Variants in CHD4 observed in about 807,000 individuals in gnomAD.
CHD4 encodes ATP-dependent chromatin remodeler CHD4.
A neutral mutation model predicts 235.5 loss-of-function variants in CHD4; 35 were observed. The ratio of observed to expected loss-of-function variants is 0.15; its 90% CI spans 0.11 to 0.20. The LOEUF is 0.20. Among genes scored for constraint, CHD4 ranks in the 10% least tolerant of loss-of-function variants. CHD4 has a pLI of 1.00. For missense variants in CHD4, 1,329 were observed against 2,432.3 expected, an observed-to-expected ratio of 0.55 and a Z score of 9.54; for synonymous variants, 900 against 850.2, an observed-to-expected ratio of 1.06 and a Z score of -1.02.
At chr12:6,603,124 T>TCAG (rs906256677) in intron 2 of CHD4, 5 of 152,648 alleles carry the variant, frequency 3.3e-5, no homozygotes, top group African/African-American at 1.2e-4. Context: ...TTCTCCTGGG[T>TCAG]CAGCAGCCTC....
rs1273373215 is a variant in CHD4 at position 6,601,951 on chromosome 12, T to C, written c.438+9A>G. ...AACAGTACAAAGAAGAGGATGGAGGTCCAGGCACCTTTGAATCATCATCAT... is the reference window on the plus strand; with the variant it reads ...AACAGTACAAAGAAGAGGATGGAGGCCCAGGCACCTTTGAATCATCATCAT... On this transcript the variant is annotated intron_variant, in intron 4 of 39. Transcript: ENST00000544040. 1 of 1,606,542 alleles carries C rather than the reference T, an allele frequency of 6.2e-7. No homozygotes were observed. The highest frequency in any genetic ancestry group is 8.5e-7 in the Non-Finnish European group (1 of 1,179,716).
At chr12:6,599,447 A>G (rs1221252630) in intron 10 of CHD4, among the ~76,000 whole-genome samples, 1 of 152,136 alleles carries the variant, frequency 6.6e-6, no homozygotes, top group African/African-American at 2.4e-5. Context: ...CTCCAAAAAA[A>G]AAAATTTTTT....
In CHD4 at chr12:6,596,289, C is replaced by T. The variant is rs569096822; in HGVS notation, c.1893-152G>A. Reference sequence around the variant, plus strand: ...GAGCCTCTACTGTACCAGTCTCTGACCAAAAATTATCTCTAATTTATACTT... The same window carrying T: ...GAGCCTCTACTGTACCAGTCTCTGATCAAAAATTATCTCTAATTTATACTT... On this transcript the variant is annotated intron_variant, in intron 12 of 39. Coordinates refer to ENST00000544040, the MANE Select transcript of CHD4 (RefSeq NM_001273.5). 1.4e-5 allele frequency: 12 copies of T among 843,586 alleles called. No homozygotes were observed. The African/African-American group carries it at 2.1e-4, about 14-fold the overall frequency. 52.3% of individuals were successfully genotyped at this position (843,586 alleles called of 1,614,324 possible).
intron 12 of CHD4, among the ~76,000 whole-genome samples, 179 bp from the exon 13 acceptor site, chr12:6,596,316 C>T (rs1264504943): frequency 2.6e-5 from 4 of 152,154 alleles, no homozygotes. Flanking sequence ...TTTATACTTT[C>T]CTAGAGCTCA....
At chr12:6,570,809 GT>G in intron 39 of CHD4, 59 bp downstream of exon 39, 1 of 1,612,142 alleles carries the variant, frequency 6.2e-7, no homozygotes. Flanking sequence ...ATACAGCAAA[GT>G]TACAAGCTCC....
intron 37 of CHD4, 26 bp from the exon 38 acceptor site, chr12:6,573,295 G>A (rs561461442): frequency 2.7e-6 from 4 of 1,505,916 alleles, no homozygotes; most frequent in Non-Finnish European, 3.5e-6. Context: ...GAGGAAACGG[G>A]AGTTCGACTG....
intron 25 of CHD4, among the ~76,000 whole-genome samples, chr12:6,585,163 T>C (rs1948260196): frequency 6.6e-6 from 1 of 152,178 alleles, no homozygotes; most frequent in Non-Finnish European, 1.5e-5. Context: ...TTCCATTTCA[T>C]ACCCCTCTAT....
At position 6,577,880 on chromosome 12, in the gene CHD4, G is replaced by A. The variant is rs758499850; in HGVS notation, c.5266C>T (p.Pro1756Ser). Residue 1756 changes from proline to serine, a missense_variant, in exon 37 of 40, where the codon CCA becomes TCA. By Grantham distance (74) the Pro-to-Ser change is moderately conservative. This residue lies in a region of CHD4 where 135 missense variants were observed against 282.3 expected (regional missense o/e 0.48). Coordinates refer to ENST00000544040, the MANE Select transcript of CHD4 (RefSeq NM_001273.5). ...YARWQDIQND[P>S]RYAILNEPFK... is the part of the protein sequence containing the mutation. Reference sequence around the variant, plus strand: ...GGCTCATTGAGGATGGCATAGCGTGGGTCATTCTGGATGTCTTGCCACCGG... The same window carrying A: ...GGCTCATTGAGGATGGCATAGCGTGAGTCATTCTGGATGTCTTGCCACCGG... 5.6e-6 allele frequency: 9 copies of A among 1,614,036 alleles called. No individual in the cohort carries two copies. Among genetic ancestry groups the A allele is most frequent in the Admixed American group, 1.7e-5 (1 of 59,996 alleles).
At position 6,599,437 on chromosome 12, in the gene CHD4, C is replaced by G. The variant is rs963689249; in HGVS notation, c.1482+336G>C. On this transcript the variant is annotated intron_variant, in intron 10 of 39. Coordinates refer to ENST00000544040, the MANE Select transcript of CHD4 (RefSeq NM_001273.5). Reference sequence around the variant, plus strand: ...CCCGGATGACAGAATGAGACCCTGTCTCCAAAAAAAAAAATTTTTTTAACA... The same window carrying G: ...CCCGGATGACAGAATGAGACCCTGTGTCCAAAAAAAAAAATTTTTTTAACA... Among the ~76,000 whole-genome samples, 3 of 151,512 alleles carry G rather than the reference C, an allele frequency of 2.0e-5. No individual in the cohort carries two copies. The South Asian group carries it at 6.3e-4, about 32-fold the overall frequency.
intron 25 of CHD4, chr12:6,583,651 C>G (rs77953906): frequency 2.4e-6 from 1 of 412,400 alleles, no homozygotes; most frequent in East Asian, 3.8e-5. Context: ...ATGCTTTCTT[C>G]TAACCCCTTG....
intron 38 of CHD4, among the ~76,000 whole-genome samples, chr12:6,572,192 G>A (rs976480545): frequency 6.6e-6 from 1 of 151,812 alleles, no homozygotes; most frequent in African/African-American, 2.4e-5. Flanking sequence ...ACTTTGGGAG[G>A]CGGAGGCGGG....
In CHD4 at chr12:6,581,368, C is replaced by T. The variant is rs1164775045; in HGVS notation, c.4702G>A (p.Glu1568Lys). The change falls in exon 32 of 40, where the codon GAA becomes AAA. Residue 1568 changes from glutamate (E) to lysine (K), a missense_variant. Around this residue, in one of 26 missense-constraint regions of CHD4, gnomAD observed 219 missense variants for 219.3 expected, o/e 1.00. Transcript: ENST00000544040. ...CTCTCTTCTTCTTTGAGGCTATTTTCCTCTATTTTTATCCCATCTTCTGCA... is the reference window on the plus strand; with the variant it reads ...CTCTCTTCTTCTTTGAGGCTATTTTTCTCTATTTTTATCCCATCTTCTGCA... Reference protein sequence around the residue: ...PPAEDGIKIEENSLKEEESIE... With the variant: ...PPAEDGIKIEKNSLKEEESIE... 13 of 1,614,046 alleles carry T rather than the reference C, an allele frequency of 8.1e-6. No individual in the cohort carries two copies. Among genetic ancestry groups the T allele is most frequent in the South Asian group, 2.2e-5 (2 of 91,082 alleles).
intron 2 of CHD4, among the ~76,000 whole-genome samples, chr12:6,605,374 G>A (rs922139586): frequency 2.6e-5 from 4 of 152,192 alleles, no homozygotes; most frequent in African/African-American, 7.2e-5. Context: ...AGAAGAGAAA[G>A]ACATCTGCTT....
rs1040170941 is a variant in CHD4, at chr12:6,601,543, T to C, written c.558-13A>G. On this transcript the variant is annotated splice_polypyrimidine_tract_variant and intron_variant, in intron 5 of 39. Transcript: ENST00000544040. ...AGCAATGAGGGGTCTGGTGGAGAAATGCACAAGAGCAGAGGGAAAGGTTTA... is the reference window on the plus strand; with the variant it reads ...AGCAATGAGGGGTCTGGTGGAGAAACGCACAAGAGCAGAGGGAAAGGTTTA... 3 of 1,614,000 alleles carry C rather than the reference T, an allele frequency of 1.9e-6. No homozygotes were observed. The highest frequency in any genetic ancestry group is 2.5e-6 in the Non-Finnish European group (3 of 1,179,954).
chr12:6,580,900 G>A (rs563604896), intron 33 of CHD4, 144 bp downstream of exon 33: 189 of 840,356 alleles, frequency 2.2e-4, no homozygotes, highest in Admixed American at 3.7e-4. Context: ...CCAGCTCCTC[G>A]GGAGGGTGAG....
At chr12:6,589,097 T>C (rs1442716338) in intron 22 of CHD4, among the ~76,000 whole-genome samples, 1 of 151,700 alleles carries the variant, frequency 6.6e-6, no homozygotes, top group Non-Finnish European at 1.5e-5. Flanking sequence ...AATACAAAAT[T>C]AGCCAGGTGT....
rs1247144161 is a variant in CHD4, at chr12:6,591,756, G to A, written c.3160C>T (p.Leu1054=). 6.2e-7 allele frequency: 1 copy of A among 1,614,074 alleles called. No homozygotes were observed. The highest frequency in any genetic ancestry group is 2.2e-5 in the East Asian group (1 of 44,904). The stretch of plus-strand genomic sequence containing the variant: ...AGGTTCTTGAGCATTTTCTGCAGCA[G>A]CAATAATTTCCCAGATGCTCTGATT... ...ALIRASGKLL[L]LQKMLKNLKE... Residue 1054 remains leucine, a synonymous_variant, in exon 21 of 40, where the codon CTG becomes TTG. Transcript: ENST00000544040.
In CHD4 at chr12:6,592,603, G is replaced by A. The variant is rs1442517054; in HGVS notation, c.2775-37C>T. The A allele has an allele frequency of 5.1e-6, 8 of 1,583,102 alleles. No homozygotes were observed. In the African/African-American group the frequency reaches 5.4e-5, roughly 11 times the overall value. ...AAAAGGAAAAAAGTTATTGGAGAAGGAGAAAGGAAGAAAGAAAAGTGATAC... is the reference window on the plus strand; with the variant it reads ...AAAAGGAAAAAAGTTATTGGAGAAGAAGAAAGGAAGAAAGAAAAGTGATAC... On this transcript the variant is annotated intron_variant, in intron 18 of 39. Coordinates refer to ENST00000544040, the MANE Select transcript of CHD4 (RefSeq NM_001273.5).
rs1387411493 is a variant in CHD4, at chr12:6,592,683, AAC to A, written c.2774+11_2774+12del. ...CACAATTATGAGCCGATTACAGATA[AAC>A]ACATACTTACTGGAACCTCTCGGGG... On this transcript the variant is annotated intron_variant, in intron 18 of 39. Transcript: ENST00000544040. 1 of 1,612,392 alleles carries A rather than the reference AAC, an allele frequency of 6.2e-7. No homozygotes were observed. Among genetic ancestry groups the A allele is most frequent in the African/African-American group, 1.3e-5 (1 of 74,792 alleles).
Sources: allele counts gnomAD v4.1 joint callset (sites outside exome capture counted in the v4.1 genomes callset), GRCh38; gene constraint gnomAD v4.1.1; regional missense constraint gnomAD v4.1.1; transcripts MANE v1.5; gene names NCBI Gene and HGNC (gene_info 2026-07-23, HGNC 2026-07-21).